CDK6: variants seen among roughly 807,000 people sequenced by gnomAD.
The protein encoded by CDK6 is cyclin-dependent kinase 6.
In CDK6, 6 loss-of-function variants were observed where a neutral mutation model predicts 37.1. The ratio of observed to expected loss-of-function variants is 0.16; its 90% CI spans 0.09 to 0.32. CDK6 has a LOEUF of 0.32. Ranked by LOEUF, CDK6 falls within the 10% of genes least tolerant of loss-of-function variation. The pLI is 1.00. For missense variants in CDK6, 224 were observed against 418.9 expected (o/e 0.53, Z 4.06); for synonymous variants, 160 against 161.3 (o/e 0.99, Z 0.06).
Position 92,724,221 on chromosome 7 carries a change from G to C in CDK6, c.537+1405C>G, listed in dbSNP as rs1798455791. On this transcript the variant is annotated intron_variant, in intron 4 of 7. Coordinates refer to ENST00000424848, the MANE Select transcript of CDK6 (RefSeq NM_001145306.2). ...ACACAGACTCAGCCCTTTCTGGTGT[G>C]ATTACATAAGAATACAAGGGCTTGC... 2.6e-5 allele frequency among the ~76,000 whole-genome samples: 4 copies of C among 152,306 alleles called. No homozygotes were observed. In the South Asian group the frequency reaches 8.3e-4, roughly 32 times the overall value.
intron 5 of CDK6, among the ~76,000 whole-genome samples, chr7:92,648,339 G>A (rs534402092): frequency 5.9e-5 from 9 of 152,202 alleles, no homozygotes; most frequent in African/African-American, 1.2e-4. Context: ...CACATCCTTC[G>A]CAGGTCTTGA....
chr7:92,808,800 A>C (rs1800792695), intron 2 of CDK6, among the ~76,000 whole-genome samples: 3 of 152,226 alleles, frequency 2.0e-5, no homozygotes, highest in African/African-American at 7.2e-5. Flanking sequence ...TGAATGAAAG[A>C]TATTCAAAGG....
At position 92,607,030 on chromosome 7, in the gene CDK6, TTATTACCACAC is replaced by T. The variant is rs1795444690; in HGVS notation, c.*8099_*8109del. 4.3e-6 allele frequency: 1 copy of T among 233,286 alleles called. No homozygotes were observed. Among genetic ancestry groups the T allele is most frequent in the South Asian group, 1.8e-4 (1 of 5,538 alleles). The allele number at this position is 233,286 out of a possible 1,614,324, so 14.5% of individuals were successfully genotyped here. On this transcript the variant is annotated 3_prime_UTR_variant, in exon 8 of 8. Coordinates refer to ENST00000424848, the MANE Select transcript of CDK6 (RefSeq NM_001145306.2). ...AAATTATACAGGCAATCCTTGCTTTTTATTACCACACTGGATTGCTTCTGTACACAGCTAAG... is the reference window on the plus strand; with the variant it reads ...AAATTATACAGGCAATCCTTGCTTTTTGGATTGCTTCTGTACACAGCTAAG...
At chr7:92,797,675 T>C (rs935576405) in intron 2 of CDK6, among the ~76,000 whole-genome samples, 2 of 152,214 alleles carry the variant, frequency 1.3e-5, no homozygotes, top group Non-Finnish European at 2.9e-5. Context: ...ACTTTTAACC[T>C]ATAAGAATAA....
At chr7:92,836,400 G>C (rs1283371385) in intron 1 of CDK6, 78 bp downstream of exon 1, 22 of 97,992 alleles carry the variant, frequency 2.2e-4, no homozygotes, top group African/African-American at 7.7e-4. Context: ...GTTCTGCCTC[G>C]GACCCCGGCC....
intron 2 of CDK6, among the ~76,000 whole-genome samples, chr7:92,828,802 G>T (rs768959213): frequency 6.6e-6 from 1 of 152,026 alleles, no homozygotes; most frequent in Non-Finnish European, 1.5e-5. Flanking sequence ...CAAAAATTCA[G>T]CATTATCAAG....
At chr7:92,832,851 G>C (rs1045573908) in intron 2 of CDK6, among the ~76,000 whole-genome samples, 2 of 152,200 alleles carry the variant, frequency 1.3e-5, no homozygotes, top group Non-Finnish European at 2.9e-5. Flanking sequence ...CAGCTGCAGG[G>C]AAGCCTGCTC....
chr7:92,724,645 T>G (rs1798466269), intron 4 of CDK6, among the ~76,000 whole-genome samples: 1 of 152,180 alleles, frequency 6.6e-6, no homozygotes, highest in Non-Finnish European at 1.5e-5. Flanking sequence ...CCAAAGATGT[T>G]GCCAATCATT....
chr7:92,810,130 CGTGT>C (rs1800837217), intron 2 of CDK6, among the ~76,000 whole-genome samples: 1 of 152,030 alleles, frequency 6.6e-6, no homozygotes, highest in African/African-American at 2.4e-5. Flanking sequence ...AATATATATG[CGTGT>C]GTATGTGTGT....
intron 5 of CDK6, among the ~76,000 whole-genome samples, chr7:92,650,894 CTCT>C (rs1796557655): frequency 6.6e-6 from 1 of 151,876 alleles, no homozygotes; most frequent in Admixed American, 6.6e-5. Flanking sequence ...AAAATTCTCT[CTCT>C]TTTTTTTTTT....
rs2116034852 is a variant in CDK6 at position 92,833,307 on chromosome 7, A to G, written c.17T>C (p.Leu6Pro). Residue 6 changes from leucine (L) to proline (P), a missense_variant, in exon 2 of 8, where the codon CTG (leucine) becomes CCG (proline). Physicochemically the swap from Leu to Pro is moderately conservative, Grantham distance 98. Coordinates refer to ENST00000424848, the MANE Select transcript of CDK6 (RefSeq NM_001145306.2). This position sits in a 1 kb window ranked among gnomAD's most constrained non-coding sequence, Gnocchi z 6.1. MEKDG[L>P]CRADQQYECV... Reference sequence around the variant, plus strand: ...TTCGTACTGCTGGTCAGCGCGGCACAGGCCGTCCTTCTCCATGCCGCCTGG... The same window carrying G: ...TTCGTACTGCTGGTCAGCGCGGCACGGGCCGTCCTTCTCCATGCCGCCTGG... 1 of 1,597,652 alleles carries G rather than the reference A, an allele frequency of 6.3e-7. No homozygotes were observed. Among genetic ancestry groups the G allele is most frequent in the South Asian group, 1.1e-5 (1 of 88,834 alleles).
chr7:92,716,912 C>T (rs1798241601), intron 4 of CDK6, among the ~76,000 whole-genome samples: 1 of 152,154 alleles, frequency 6.6e-6, no homozygotes, highest in African/African-American at 2.4e-5. Flanking sequence ...GTTTTTTCAT[C>T]TTCTGGATCC....
chr7:92,804,630 C>T (rs1347577881), intron 2 of CDK6, among the ~76,000 whole-genome samples: 1 of 152,180 alleles, frequency 6.6e-6, no homozygotes, highest in Non-Finnish European at 1.5e-5. Flanking sequence ...CCAATTTATG[C>T]TGCAGACCTT....
chr7:92,799,202 C>T (rs986248968), intron 2 of CDK6, among the ~76,000 whole-genome samples: 2 of 152,184 alleles, frequency 1.3e-5, no homozygotes, highest in African/African-American at 4.8e-5. Context: ...GCTACACTTT[C>T]TCACTCCTTA....
rs10241602 is a variant in CDK6, at chr7:92,609,442, T to A, written c.*5698A>T. On this transcript the variant is annotated 3_prime_UTR_variant, in exon 8 of 8. Transcript: ENST00000424848. ...TCATATACTTCAGACTTTTTTTTTTTAATTAGAGCTTCTTATGAATTTACA... is the reference window on the plus strand; with the variant it reads ...TCATATACTTCAGACTTTTTTTTTTAAATTAGAGCTTCTTATGAATTTACA... 2,333 of 228,334 alleles carry A rather than the reference T, an allele frequency of 0.01. 69 individuals are homozygous for A. The highest frequency in any genetic ancestry group is 0.048 in the African/African-American group (2,175 of 45,102). The allele number at this position is 228,334 out of a possible 1,614,324, so 14.1% of individuals were successfully genotyped here.
intron 3 of CDK6, among the ~76,000 whole-genome samples, chr7:92,771,350 AAT>A (rs1799714348): frequency 6.6e-6 from 1 of 151,774 alleles, no homozygotes; most frequent in Non-Finnish European, 1.5e-5. Context: ...CTCAAAAAAA[AAT>A]AAAAATATCT....
rs778849907 is a variant in CDK6, at chr7:92,680,435, G to GAAA, written c.538-8903_538-8901dup. On this transcript the variant is annotated intron_variant, in intron 4 of 7. Coordinates refer to ENST00000424848, the MANE Select transcript of CDK6 (RefSeq NM_001145306.2). The stretch of plus-strand genomic sequence containing the variant: ...CCAACAAGAGTGAAATTCCATCTCA[G>GAAA]AAAAAAAAAAAAAAAAAAAAAAAAA... 1.4e-3 allele frequency among the ~76,000 whole-genome samples: 39 copies of GAAA among 27,922 alleles called. 6 individuals carry two copies. Among genetic ancestry groups the GAAA allele is most frequent in the African/African-American group, 4.2e-3 (35 of 8,264 alleles). The allele number at this position is 27,922 out of a possible 152,430, so 18.3% of individuals were successfully genotyped here.
At chr7:92,778,155 G>A (rs754680252) in intron 2 of CDK6, among the ~76,000 whole-genome samples, 12 of 150,658 alleles carry the variant, frequency 8.0e-5, no homozygotes, top group Non-Finnish European at 1.5e-4. Context: ...ACTGTAATTA[G>A]GTTAAATCTG....
At chr7:92,717,178 TAA>T (rs547680224) in intron 4 of CDK6, among the ~76,000 whole-genome samples, 4 of 145,364 alleles carry the variant, frequency 2.8e-5, no homozygotes, top group Non-Finnish European at 3.0e-5. Flanking sequence ...CCCCATCTCT[TAA>T]AAAAAAAAAG....
Sources: allele counts gnomAD v4.1 joint callset (sites outside exome capture counted in the v4.1 genomes callset), GRCh38; gene constraint gnomAD v4.1.1; non-coding constraint Gnocchi (gnomAD v3.1); transcripts MANE v1.5; gene names NCBI Gene and HGNC (gene_info 2026-07-23, HGNC 2026-07-21).